Variants in RAPGEF5 observed in about 807,000 individuals in gnomAD.
The protein encoded by RAPGEF5 is M-Ras-regulated GEF.
RAPGEF5 carries 65 observed loss-of-function variants against 125.2 expected under a neutral mutation model. The observed-to-expected ratio is 0.52, with a 90% CI of 0.43 to 0.64. The LOEUF is 0.64. Among genes scored for constraint, RAPGEF5 ranks in the 30% least tolerant of loss-of-function variants. The pLI is 0.00. For missense variants in RAPGEF5, 958 were observed against 1,048.1 expected (o/e 0.91, Z 1.19); for synonymous variants, 391 against 385.9 (o/e 1.01, Z -0.16).
chr7:22,168,241 G>A (rs1784234807), intron 11 of RAPGEF5, among the ~76,000 whole-genome samples: 1 of 152,066 alleles, frequency 6.6e-6, no homozygotes, highest in South Asian at 2.1e-4. Flanking sequence ...CATGAGGGTG[G>A]AGCCCTCATG....
intron 17 of RAPGEF5, 107 bp downstream of exon 17, chr7:22,154,348 C>T (rs117515378): frequency 0.023 from 29,728 of 1,278,018 alleles, 448 homozygotes; most frequent in Middle Eastern, 0.057. Flanking sequence ...CATCCAGCTG[C>T]GGGCCCAGAA....
intron 1 of RAPGEF5, among the ~76,000 whole-genome samples, chr7:22,354,291 T>G (rs1434711984): frequency 6.6e-6 from 1 of 152,196 alleles, no homozygotes; most frequent in East Asian, 1.9e-4. Context: ...TGCACAAAGC[T>G]GTGTCTTTAC....
chr7:22,222,296 A>G (rs1785811562), intron 8 of RAPGEF5, among the ~76,000 whole-genome samples: 1 of 152,186 alleles, frequency 6.6e-6, no homozygotes, highest in Non-Finnish European at 1.5e-5. Context: ...ATGATGTAAC[A>G]TACCAATAGG....
rs147231143 is a variant in RAPGEF5 at position 22,242,726 on chromosome 7, C to T, written c.797-11807G>A. Among the ~76,000 whole-genome samples the T allele has an allele frequency of 1.2e-4, 18 of 152,074 alleles. 1 individual carries two copies. The South Asian group carries it at 2.3e-3, about 19-fold the overall frequency. On this transcript the variant is annotated intron_variant, in intron 7 of 25. Coordinates refer to ENST00000665637, the MANE Select transcript of RAPGEF5 (RefSeq NM_012294.5). ...TAGCACTTTGGGAGGCCGAGGCAGG[C>T]GGATCACCTGAGGACAGGAGTTCGA...
At chr7:22,316,443 GTGTA>G (rs1343421808) in intron 2 of RAPGEF5, among the ~76,000 whole-genome samples, 13 of 138,356 alleles carry the variant, frequency 9.4e-5, no homozygotes, top group Non-Finnish European at 1.5e-4. Flanking sequence ...ATATACACAC[GTGTA>G]TGTATACATA....
chr7:22,174,341 T>C (rs114880981), intron 11 of RAPGEF5, among the ~76,000 whole-genome samples: 1 of 152,216 alleles, frequency 6.6e-6, no homozygotes, highest in African/African-American at 2.4e-5. Context: ...AAACCTGTGG[T>C]CTTGTGACTT....
At chr7:22,167,930 G>A (rs1413659990) in intron 11 of RAPGEF5, among the ~76,000 whole-genome samples, 1 of 152,174 alleles carries the variant, frequency 6.6e-6, no homozygotes, top group Non-Finnish European at 1.5e-5. Flanking sequence ...TGGTACAAAA[G>A]ATTATATGCA....
chr7:22,354,863 C>T (rs925679344), intron 1 of RAPGEF5, among the ~76,000 whole-genome samples: 1 of 152,178 alleles, frequency 6.6e-6, no homozygotes, highest in African/African-American at 2.4e-5. Context: ...AAAATAAATT[C>T]CTGTTGTTTA....
intron 9 of RAPGEF5, among the ~76,000 whole-genome samples, chr7:22,211,855 C>A (rs886875784): frequency 6.6e-6 from 1 of 152,134 alleles, no homozygotes. Context: ...CTTCACCTGG[C>A]CCTACCTCTC....
intron 1 of RAPGEF5, among the ~76,000 whole-genome samples, chr7:22,345,507 T>G (rs916385563): frequency 5.3e-5 from 8 of 152,156 alleles, no homozygotes; most frequent in Non-Finnish European, 1.2e-4. Context: ...TCAGTAACTT[T>G]TGAGTCTATT....
intron 6 of RAPGEF5, among the ~76,000 whole-genome samples, chr7:22,290,541 C>G (rs945054152): frequency 3.6e-4 from 54 of 151,870 alleles, no homozygotes; most frequent in African/African-American, 1.1e-3. Flanking sequence ...GTCAGGAGAT[C>G]GAGACCATCC....
At chr7:22,327,844 A>AT (rs758740554) in intron 1 of RAPGEF5, among the ~76,000 whole-genome samples, 5 of 152,208 alleles carry the variant, frequency 3.3e-5, no homozygotes, top group African/African-American at 1.2e-4. Flanking sequence ...CAACCCATGG[A>AT]TTTTGGTTCA....
chr7:22,207,226 C>A (rs1009021303), intron 9 of RAPGEF5, among the ~76,000 whole-genome samples: 1 of 152,168 alleles, frequency 6.6e-6, no homozygotes, highest in African/African-American at 2.4e-5. Context: ...AAAACTAGCA[C>A]AAGCTTTTTG....
rs1406116621 is a variant in RAPGEF5, at chr7:22,219,643, T to A, written c.996+223A>T. ...TTAAATGTATTCTCATATTTCTACA[T>A]AATTTACTTTTGAGAAGAGTCTCTT... On this transcript the variant is annotated intron_variant, in intron 9 of 25. Coordinates refer to ENST00000665637, the MANE Select transcript of RAPGEF5 (RefSeq NM_012294.5). 2.6e-5 allele frequency among the ~76,000 whole-genome samples: 4 copies of A among 152,240 alleles called. No individual in the cohort carries two copies. In the East Asian group the frequency reaches 7.7e-4, roughly 29 times the overall value.
At chr7:22,135,117 G>T (rs748335358) in intron 23 of RAPGEF5, among the ~76,000 whole-genome samples, 21 of 152,262 alleles carry the variant, frequency 1.4e-4, no homozygotes, top group Admixed American at 3.3e-4. Context: ...GAGGAAGTGG[G>T]GAATGAGGAT....
At chr7:22,243,778 TGA>T (rs1786401625) in intron 7 of RAPGEF5, among the ~76,000 whole-genome samples, 1 of 152,180 alleles carries the variant, frequency 6.6e-6, no homozygotes, top group South Asian at 2.1e-4. Flanking sequence ...TTTTTTACAG[TGA>T]AAACATTGAG....
At chr7:22,305,390 G>A (rs1160478744) in intron 5 of RAPGEF5, among the ~76,000 whole-genome samples, 2 of 152,054 alleles carry the variant, frequency 1.3e-5, no homozygotes, top group African/African-American at 2.4e-5. Flanking sequence ...CATTTAACAG[G>A]AGATTTTATT....
intron 25 of RAPGEF5, 153 bp downstream of exon 25, chr7:22,125,449 CAA>C (rs775348561): frequency 4.6e-6 from 3 of 645,652 alleles, no homozygotes; most frequent in Non-Finnish European, 7.9e-6. Flanking sequence ...AGTGAGGAAA[CAA>C]AGAGACAATC....
intron 7 of RAPGEF5, among the ~76,000 whole-genome samples, chr7:22,264,669 C>A (rs769797616): frequency 2.0e-5 from 3 of 152,170 alleles, no homozygotes; most frequent in Non-Finnish European, 4.4e-5. Context: ...GACTCACTCC[C>A]TCACCAACTT....
Sources: gnomAD v4.1 joint callset for allele counts (sites outside exome capture counted in the v4.1 genomes callset) on GRCh38, gnomAD v4.1.1 for gene constraint, MANE v1.5 for transcripts, NCBI Gene and HGNC (gene_info 2026-07-23, HGNC 2026-07-21) for gene names.